The following RFX4 variants were observed in gnomAD, a reference collection of about 807,000 sequenced individuals.
The protein encoded by RFX4 is transcription factor RFX4.
In RFX4, 10 loss-of-function variants were observed where a neutral mutation model predicts 95.0. The observed-to-expected ratio is 0.11, with a 90% confidence interval of 0.06 to 0.18. The LOEUF is 0.18. Among genes scored for constraint, RFX4 ranks in the 10% least tolerant of loss-of-function variants. The pLI, the probability that RFX4 is intolerant of heterozygous loss-of-function variation, is 1.00. For synonymous variants in RFX4, 321 were observed against 340.7 expected, an observed-to-expected ratio of 0.94 and a Z score of 0.64; for missense variants, 640 against 922.0, an observed-to-expected ratio of 0.69 and a Z score of 3.96.
rs565111807 is a variant in RFX4, at chr12:106,720,134, C to A, written c.1233+80C>A. ...CTCTGTGAACTTGGCCAAGACAAAG[C>A]CCTATGGTAAGCTATCTGAACAGGG... On this transcript the variant is annotated intron_variant, in intron 12 of 17. Transcript: ENST00000392842. This position sits in a 1 kb window ranked among gnomAD's most constrained non-coding sequence, Gnocchi z 4.2. 7.5e-5 allele frequency: 91 copies of A among 1,213,386 alleles called. No individual in the cohort carries two copies. The highest frequency in any genetic ancestry group is 1.0e-4 in the Non-Finnish European group (84 of 819,270). The allele number at this position is 1,213,386 out of a possible 1,614,324, so 75.2% of individuals were successfully genotyped here.
intron 4 of RFX4, among the ~76,000 whole-genome samples, chr12:106,658,023 T>C (rs576627008): frequency 6.6e-6 from 1 of 152,300 alleles, no homozygotes; most frequent in East Asian, 1.9e-4. Context: ...GATTTTGTTT[T>C]GTCTGTCTCC....
At chr12:106,620,304 G>A (rs564914891) in intron 2 of RFX4, among the ~76,000 whole-genome samples, 4 of 152,150 alleles carry the variant, frequency 2.6e-5, no homozygotes, top group Admixed American at 6.5e-5. Flanking sequence ...CATAAGTGTC[G>A]GCTGGCTGAG....
At chr12:106,658,119 G>T (rs2040997444) in intron 4 of RFX4, among the ~76,000 whole-genome samples, 1 of 152,148 alleles carries the variant, frequency 6.6e-6, no homozygotes, top group African/African-American at 2.4e-5. Context: ...TAAGCCCTCA[G>T]ATATTTGTTA....
intron 8 of RFX4, among the ~76,000 whole-genome samples, chr12:106,702,156 T>A (rs1221303148): frequency 6.6e-6 from 1 of 152,216 alleles, no homozygotes; most frequent in Non-Finnish European, 1.5e-5. Flanking sequence ...AATTTTAAAT[T>A]TCCTGTCTGA....
chr12:106,668,868 T>C (rs2041228196), intron 4 of RFX4, among the ~76,000 whole-genome samples: 2 of 152,226 alleles, frequency 1.3e-5, no homozygotes. Flanking sequence ...GGTCAGCAAT[T>C]TGCTGAACTT....
intron 2 of RFX4, among the ~76,000 whole-genome samples, chr12:106,622,536 G>A (rs186176964): frequency 6.6e-6 from 1 of 151,780 alleles, no homozygotes; most frequent in Non-Finnish European, 1.5e-5. Context: ...TTATGATTAT[G>A]AGCTTTTGCT....
intron 1 of RFX4, among the ~76,000 whole-genome samples, chr12:106,605,004 G>T (rs989764936): frequency 6.6e-6 from 1 of 152,134 alleles, no homozygotes; most frequent in Admixed American, 6.5e-5. Flanking sequence ...GACTTTGGAC[G>T]AGTCACTGAA....
chr12:106,619,190 C>G (rs1405606597), intron 2 of RFX4, among the ~76,000 whole-genome samples: 2 of 152,148 alleles, frequency 1.3e-5, no homozygotes, highest in Non-Finnish European at 2.9e-5. Context: ...GGTTCTTTCT[C>G]CTGCAGCAGT....
chr12:106,620,653 A>C (rs2137234771), intron 2 of RFX4, among the ~76,000 whole-genome samples: 1 of 152,222 alleles, frequency 6.6e-6, no homozygotes, highest in South Asian at 2.1e-4. Context: ...TTGTCTTGAT[A>C]AACATCTTAA....
intron 8 of RFX4, among the ~76,000 whole-genome samples, chr12:106,698,008 T>A (rs1384456068): frequency 6.6e-6 from 1 of 151,886 alleles, no homozygotes; most frequent in Admixed American, 6.6e-5. Flanking sequence ...GTTTTGCTCT[T>A]GTTGCCCAGG....
At chr12:106,747,397 G>A (rs1456708908) in intron 15 of RFX4, 40 bp from the exon 16 acceptor site, 14 of 1,600,420 alleles carry the variant, frequency 8.7e-6, no homozygotes, top group Non-Finnish European at 1.0e-5. Context: ...AGGGATATGA[G>A]AACTGTTAAT....
intron 8 of RFX4, among the ~76,000 whole-genome samples, chr12:106,699,862 G>T (rs922389542): frequency 6.6e-6 from 1 of 152,062 alleles, no homozygotes; most frequent in Non-Finnish European, 1.5e-5. Context: ...GGTATGGTAT[G>T]TGTAGATCTT....
At chr12:106,642,571 G>A (rs2040655929) in intron 3 of RFX4, among the ~76,000 whole-genome samples, 1 of 152,092 alleles carries the variant, frequency 6.6e-6, no homozygotes, top group South Asian at 2.1e-4. Flanking sequence ...GCCTGATTGT[G>A]CCACTGTACT....
At chr12:106,700,687 TGAGCCACCGCGCCCGGCC>T (rs2041972024) in intron 8 of RFX4, among the ~76,000 whole-genome samples, 1 of 151,800 alleles carries the variant, frequency 6.6e-6, no homozygotes, top group African/African-American at 2.4e-5. Context: ...ATTACAGGCG[TGAGCCACCGCGCCCGGCC>T]AAGTTTGTAT....
chr12:106,690,767 A>G (rs368940208), intron 7 of RFX4, among the ~76,000 whole-genome samples: 7 of 152,174 alleles, frequency 4.6e-5, no homozygotes, highest in African/African-American at 1.7e-4. Flanking sequence ...CCACGGCCCC[A>G]CCTTAATGCA....
At chr12:106,619,674 T>A (rs1253589882) in intron 2 of RFX4, among the ~76,000 whole-genome samples, 2 of 152,236 alleles carry the variant, frequency 1.3e-5, no homozygotes, top group Non-Finnish European at 2.9e-5. Flanking sequence ...AAATATTTTG[T>A]CTCCCTCACT....
chr12:106,652,242 T>C (rs1379158233), intron 3 of RFX4, among the ~76,000 whole-genome samples: 2 of 152,208 alleles, frequency 1.3e-5, no homozygotes, highest in African/African-American at 2.4e-5. Context: ...GTCTAGAACA[T>C]TGCCTGGCAC....
At chr12:106,717,649 T>C (rs904781076) in intron 11 of RFX4, among the ~76,000 whole-genome samples, 3 of 152,212 alleles carry the variant, frequency 2.0e-5, no homozygotes, top group Non-Finnish European at 2.9e-5. Flanking sequence ...GTGAATAAAA[T>C]GGACACATCC....
chr12:106,612,785 C>A (rs2039989170), intron 2 of RFX4, among the ~76,000 whole-genome samples: 1 of 151,866 alleles, frequency 6.6e-6, no homozygotes, highest in Non-Finnish European at 1.5e-5. Context: ...GTGCAGTGAG[C>A]CAAGATTGCA....
Sources: gnomAD v4.1 joint callset for allele counts (sites outside exome capture counted in the v4.1 genomes callset) on GRCh38, gnomAD v4.1.1 for gene constraint, Gnocchi (gnomAD v3.1) non-coding constraint, MANE v1.5 for transcripts, NCBI Gene and HGNC (gene_info 2026-07-23, HGNC 2026-07-21) for gene names.